The following SDK1 variants were observed in gnomAD, a reference collection of about 807,000 sequenced individuals.
SDK1 encodes sidekick cell adhesion molecule 1.
In SDK1, 157 loss-of-function variants were observed where a neutral mutation model predicts 245.5. The observed-to-expected ratio is 0.64, with a 90% confidence interval of 0.56 to 0.73. The LOEUF is 0.73. SDK1 is among the 30% of genes least tolerant of loss of function. The pLI is 0.00. For missense variants in SDK1, 3,583 were observed against 3,002.3 expected (o/e 1.19, Z -4.52); for synonymous variants, 1,647 against 1,278.5 (o/e 1.29, Z -6.15).
At chr7:3,581,912 C>T (rs531943603) in intron 1 of SDK1, among the ~76,000 whole-genome samples, 1 of 152,346 alleles carries the variant, frequency 6.6e-6, no homozygotes, top group East Asian at 1.9e-4. Flanking sequence ...AACCAAATAT[C>T]ACATATTCTC....
At chr7:3,310,679 C>G (rs1779528797) in intron 1 of SDK1, among the ~76,000 whole-genome samples, 1 of 152,126 alleles carries the variant, frequency 6.6e-6, no homozygotes, top group African/African-American at 2.4e-5. Context: ...CTAGACAGAG[C>G]TGTTAAGTTG....
rs1780911814 is a variant in SDK1, at chr7:4,079,374, T to A, written c.3203-89T>A. Reference sequence around the variant, plus strand: ...TTTTGGTATAGAATCGTTTTGAAACTGTTTACTTTTGAAGCTGACACGTTT... The same window carrying A: ...TTTTGGTATAGAATCGTTTTGAAACAGTTTACTTTTGAAGCTGACACGTTT... On this transcript the variant is annotated intron_variant, in intron 21 of 44. Transcript: ENST00000404826. 5 of 1,479,682 alleles carry A rather than the reference T, an allele frequency of 3.4e-6. No homozygotes were observed. In the African/African-American group the frequency reaches 5.8e-5, roughly 17 times the overall value. The allele number at this position is 1,479,682 out of a possible 1,614,324, so 91.7% of individuals were successfully genotyped here. A position where few individuals can be genotyped will look rare whatever the true frequency, so the allele number is the denominator to read the frequency against.
At chr7:4,157,791 AG>A (rs1049072328) in intron 30 of SDK1, among the ~76,000 whole-genome samples, 1 of 152,208 alleles carries the variant, frequency 6.6e-6, no homozygotes, top group African/African-American at 2.4e-5. Context: ...GTGAGTTCAA[AG>A]GGGTTGCACT....
intron 35 of SDK1, among the ~76,000 whole-genome samples, chr7:4,194,409 CATAT>C (rs879499062): frequency 0.029 from 3,416 of 117,314 alleles, 166 homozygotes; most frequent in Middle Eastern, 0.065. Context: ...TATGTATGCA[CATAT>C]GTGTATACAT....
At chr7:4,254,293 CA>C (rs908021987) in intron 44 of SDK1, among the ~76,000 whole-genome samples, 28 of 151,956 alleles carry the variant, frequency 1.8e-4, no homozygotes, top group African/African-American at 6.8e-4. Flanking sequence ...TTATATTTAT[CA>C]AAGGCTCTGT....
intron 1 of SDK1, among the ~76,000 whole-genome samples, chr7:3,372,674 G>C (rs1447776426): frequency 6.6e-6 from 1 of 152,162 alleles, no homozygotes; most frequent in Non-Finnish European, 1.5e-5. Context: ...TTTCTCTGTT[G>C]TGAGAGTTGG....
In SDK1 at chr7:4,220,142, G is replaced by T. The variant is rs1419974663; in HGVS notation, c.5573G>T (p.Gly1858Val). ...AAGGTGGTGACCGTGGAAGTGAGAG[G>T]GAACTGGCAGCGCTGGCTGAAGGTG... ...VSKVVTVEVR[G>V]NWQRWLKVRD... is the part of the protein sequence containing the mutation. The change falls in exon 39 of 45, where the codon GGG becomes GTG. Residue 1858 changes from glycine to valine, a missense_variant. Transcript: ENST00000404826. 6.2e-7 allele frequency: 1 copy of T among 1,614,086 alleles called. No individual in the cohort carries two copies. Among genetic ancestry groups the T allele is most frequent in the African/African-American group, 1.3e-5 (1 of 75,030 alleles).
At chr7:3,494,912 C>T (rs985822200) in intron 1 of SDK1, among the ~76,000 whole-genome samples, 3 of 152,216 alleles carry the variant, frequency 2.0e-5, no homozygotes, top group Non-Finnish European at 2.9e-5. Flanking sequence ...GTCTCCTTCT[C>T]TCTATCTGCA....
chr7:3,502,285 T>G (rs1782241519), intron 1 of SDK1, among the ~76,000 whole-genome samples: 1 of 152,166 alleles, frequency 6.6e-6, no homozygotes, highest in Non-Finnish European at 1.5e-5. Context: ...GTCTTGCTCT[T>G]GGCCACCAGG....
chr7:3,868,078 A>T (rs554313264), intron 5 of SDK1, among the ~76,000 whole-genome samples: 21 of 152,214 alleles, frequency 1.4e-4, no homozygotes, highest in Non-Finnish European at 2.6e-4. Flanking sequence ...TTTGGCTGCC[A>T]TCATGAAGGA....
intron 40 of SDK1, among the ~76,000 whole-genome samples, chr7:4,229,313 T>C (rs1052104902): frequency 1.3e-5 from 2 of 152,182 alleles, no homozygotes; most frequent in South Asian, 2.1e-4. Flanking sequence ...GTGGAAAATA[T>C]GCTAATTTGG....
intron 1 of SDK1, among the ~76,000 whole-genome samples, chr7:3,484,581 A>G (rs1455869543): frequency 6.6e-6 from 1 of 152,206 alleles, no homozygotes; most frequent in Admixed American, 6.5e-5. Flanking sequence ...GTCTCCTGCC[A>G]GTGCTGTTGA....
intron 1 of SDK1, among the ~76,000 whole-genome samples, chr7:3,449,845 C>T (rs561556570): frequency 5.3e-5 from 8 of 152,286 alleles, no homozygotes; most frequent in Non-Finnish European, 1.0e-4. Context: ...GTAGTCTTTG[C>T]CCTCCTATAG....
In SDK1 at chr7:4,174,214, C is replaced by T. The variant is rs769045678; in HGVS notation, c.4801-8C>T. 2.5e-6 allele frequency: 4 copies of T among 1,613,920 alleles called. No homozygotes were observed. The highest frequency in any genetic ancestry group is 3.4e-6 in the Non-Finnish European group (4 of 1,179,896). On this transcript the variant is annotated splice_region_variant and splice_polypyrimidine_tract_variant and intron_variant, in intron 32 of 44. Coordinates refer to ENST00000404826, the MANE Select transcript of SDK1 (RefSeq NM_152744.4). ...TGGTGTGGCTGAGTCGGTGTGATGT[C>T]TTTGCAGCCTCCGAGGGACGAAAGC...
intron 4 of SDK1, among the ~76,000 whole-genome samples, chr7:3,792,235 A>G (rs1019224041): frequency 6.6e-6 from 1 of 152,054 alleles, no homozygotes; most frequent in Non-Finnish European, 1.5e-5. Flanking sequence ...CCATGCCCTA[A>G]AATGTCCAGA....
At chr7:3,801,757 C>A (rs1222585231) in intron 4 of SDK1, among the ~76,000 whole-genome samples, 1 of 152,198 alleles carries the variant, frequency 6.6e-6, no homozygotes, top group Non-Finnish European at 1.5e-5. Flanking sequence ...TTGGAACACG[C>A]CCAGCCTGTC....
intron 1 of SDK1, among the ~76,000 whole-genome samples, chr7:3,458,276 C>T: frequency 6.6e-6 from 1 of 151,176 alleles, no homozygotes; most frequent in Admixed American, 6.6e-5. Context: ...TATTTCTTTC[C>T]CCTGTTGTCT....
intron 41 of SDK1, among the ~76,000 whole-genome samples, chr7:4,234,690 C>T (rs772799723): frequency 4.6e-5 from 7 of 152,198 alleles, no homozygotes; most frequent in Non-Finnish European, 7.3e-5. Flanking sequence ...CACACACCCT[C>T]GCTGGCCCCT....
intron 25 of SDK1, among the ~76,000 whole-genome samples, chr7:4,126,111 A>G (rs1443796355): frequency 6.6e-6 from 1 of 152,136 alleles, no homozygotes; most frequent in Non-Finnish European, 1.5e-5. Flanking sequence ...TTTTTCAACC[A>G]TGGGGGCCCT....
Sources: allele counts gnomAD v4.1 joint callset (sites outside exome capture counted in the v4.1 genomes callset), GRCh38; gene constraint gnomAD v4.1.1; transcripts MANE v1.5; gene names NCBI Gene and HGNC (gene_info 2026-07-23, HGNC 2026-07-21).